The following ENKD1 variants were observed in gnomAD, a reference collection of about 807,000 sequenced individuals.
ENKD1 encodes enkurin domain-containing protein 1.
Under a neutral mutation model 35.8 loss-of-function variants are expected in ENKD1, and 39 were observed. That is an observed-to-expected ratio of 1.09 (90% confidence interval 0.84 to 1.42). The LOEUF is 1.42. ENKD1 is among the 40% of genes most tolerant of loss of function. ENKD1 has a pLI of 0.00. For missense variants in ENKD1, 474 were observed against 471.3 expected (o/e 1.01, Z -0.05); for synonymous variants, 205 against 198.6 (o/e 1.03, Z -0.27).
At position 67,666,624 on chromosome 16, in the gene ENKD1, G is replaced by A. The variant is rs2053107957; in HGVS notation, c.-182C>T. ...CCCCGGCCTCGCTCGCCACCTCCGC[G>A]ACCTCTGCTCCCAGCCCACTTCTCG... On this transcript the variant is annotated 5_prime_UTR_variant, in exon 1 of 7. Transcript: ENST00000243878. The A allele has an allele frequency of 1.8e-6, 1 of 555,278 alleles. No homozygotes were observed. Among genetic ancestry groups the A allele is most frequent in the Non-Finnish European group, 3.0e-6 (1 of 332,648 alleles). 34.4% of individuals were successfully genotyped at this position (555,278 alleles called of 1,614,324 possible). A position where few individuals can be genotyped will look rare whatever the true frequency, so the allele number is the denominator to read the frequency against.
chr16:67,665,292 C>T (rs1264737659), intron 2 of ENKD1, 124 bp from the exon 3 acceptor site: 29 of 994,650 alleles, frequency 2.9e-5, no homozygotes, highest in Non-Finnish European at 3.9e-5. Flanking sequence ...CTCCAACTAC[C>T]TTAGACCCTA....
chr16:67,666,393 G>T lies in ENKD1; in HGVS notation c.50C>A (p.Thr17Lys). 6.4e-7 allele frequency: 1 copy of T among 1,571,152 alleles called. No homozygotes were observed. Among genetic ancestry groups the T allele is most frequent in the Non-Finnish European group, 8.6e-7 (1 of 1,165,822 alleles). ...RISGPIPPDP[T>K]LCPDNYRRPT... ...CCGCCTGTAGTTGTCAGGACAGAGCGTCGGGTCTGGGGGGATGGGCCCCGA... is the reference window on the plus strand; with the variant it reads ...CCGCCTGTAGTTGTCAGGACAGAGCTTCGGGTCTGGGGGGATGGGCCCCGA... Residue 17 changes from threonine (T) to lysine (K), a missense_variant, in exon 1 of 7, where the codon ACG (threonine) becomes AAG (lysine). Transcript: ENST00000243878.
At position 67,663,765 on chromosome 16, in the gene ENKD1, G is replaced by A. The variant is rs2053063668; in HGVS notation, c.635C>T (p.Ala212Val). 6.2e-7 allele frequency: 1 copy of A among 1,610,692 alleles called. No homozygotes were observed. The highest frequency in any genetic ancestry group is 8.5e-7 in the Non-Finnish European group (1 of 1,178,438). The part of the protein sequence containing the change: ...IRHNARAAKR[A>V]PRRHSCSLQV... ...CAGTGAGCAGGAATGCCTCCGGGGG[G>A]CTCTCTTGGCAGCTCGTGCATTGTG... The change falls in exon 5 of 7, where the codon GCC (alanine) becomes GTC (valine). Residue 212 changes from alanine (A) to valine (V), a missense_variant. Ala to Val is a moderately conservative substitution (Grantham distance 64). Transcript: ENST00000243878.
chr16:67,664,092 G>C, intron 3 of ENKD1, 30 bp from the exon 4 acceptor site: 1 of 1,543,246 alleles, frequency 6.5e-7, no homozygotes, highest in South Asian at 1.2e-5. Flanking sequence ...AGAGAGAGCA[G>C]GCAGGCTGAG....
Position 67,663,486 on chromosome 16 carries a change from T to C in ENKD1, c.814A>G (p.Met272Val). 2 of 1,613,050 alleles carry C rather than the reference T, an allele frequency of 1.2e-6. No individual in the cohort carries two copies. Among genetic ancestry groups the C allele is most frequent in the Non-Finnish European group, 1.7e-6 (2 of 1,179,900 alleles). ...GGCATGCGCGTGTGGCCTGGGGGCA[T>C]GGCAGGGTCCGGCTGGCTCTGCTTG... ...ARKQSQPDPA[M>V]PPGHTRMPEN... Residue 272 changes from methionine to valine, a missense_variant, in exon 6 of 7, where the codon ATG (methionine) becomes GTG (valine). Transcript: ENST00000243878.
At position 67,663,809 on chromosome 16, in the gene ENKD1, C is replaced by G. The variant is rs751776684; in HGVS notation, c.591G>C (p.Leu197=). ...CATTGTGACGAATGAAGTCCACCCC[C>G]AGGCCTGGCTCCTGCAGGACACAGC... ...PPGPEAKEPG[L]GVDFIRHNAR... is the part of the protein sequence containing the mutation. The change falls in exon 5 of 7, where the codon CTG becomes CTC. Residue 197 remains leucine, a synonymous_variant. Coordinates refer to ENST00000243878, the MANE Select transcript of ENKD1 (RefSeq NM_032140.3). 1 of 1,605,706 alleles carries G rather than the reference C, an allele frequency of 6.2e-7. No homozygotes were observed. The highest frequency in any genetic ancestry group is 1.7e-5 in the Admixed American group (1 of 59,146).
rs202225875 is a variant in ENKD1 at position 67,663,837 on chromosome 16, G to T, written c.580-17C>A. On this transcript the variant is annotated splice_polypyrimidine_tract_variant and intron_variant, in intron 4 of 6. Coordinates refer to ENST00000243878, the MANE Select transcript of ENKD1 (RefSeq NM_032140.3). ...GCCTGGCTCCTGCAGGACACAGCAA[G>T]CGTGGGTGGGGGCAGACAGCATTAT... 1.1e-4 allele frequency: 176 copies of T among 1,602,948 alleles called. No homozygotes were observed. In the East Asian group the frequency reaches 3.3e-3, roughly 30 times the overall value.
In ENKD1 at chr16:67,666,255, G is replaced by C; in HGVS notation, c.96C>G (p.Arg32=). Reference sequence around the variant, plus strand: ...CCAGCTTCAGCGCGTTTCCCTCGAGGCGCCCTTGAGCTGTGGGGCGGAGCC... The same window carrying C: ...CCAGCTTCAGCGCGTTTCCCTCGAGCCGCCCTTGAGCTGTGGGGCGGAGCC... ...NYRRPTSAQG[R]LEGNALKLDL... is the part of the protein sequence containing the mutation. The change falls in exon 2 of 7, where the codon CGC becomes CGG. Residue 32 remains arginine, a synonymous_variant. Coordinates refer to ENST00000243878, the MANE Select transcript of ENKD1 (RefSeq NM_032140.3). The C allele has an allele frequency of 6.2e-7, 1 of 1,602,708 alleles. No individual in the cohort carries two copies. Among genetic ancestry groups the C allele is most frequent in the Non-Finnish European group, 8.5e-7 (1 of 1,174,388 alleles).
In ENKD1 at chr16:67,663,737, C is replaced by T. The variant is rs12599958; in HGVS notation, c.663G>A (p.Gln221=). ...RAPRRHSCSL[Q]VLAQVLEQQR... ...GCTGCTCTAGCACTTGTGCCAGGACCTGCAGTGAGCAGGAATGCCTCCGGG... is the reference window on the plus strand; with the variant it reads ...GCTGCTCTAGCACTTGTGCCAGGACTTGCAGTGAGCAGGAATGCCTCCGGG... Residue 221 remains glutamine, a synonymous_variant, in exon 5 of 7, where the codon CAG becomes CAA. Transcript: ENST00000243878. 3.7e-6 allele frequency: 6 copies of T among 1,612,552 alleles called. No homozygotes were observed. The highest frequency in any genetic ancestry group is 1.3e-5 in the African/African-American group (1 of 74,920).
chr16:67,666,538 G>C lies in ENKD1; in HGVS notation c.-96C>G. 8.5e-7 allele frequency: 1 copy of C among 1,180,276 alleles called. No homozygotes were observed. Among genetic ancestry groups the C allele is most frequent in the Non-Finnish European group, 1.1e-6 (1 of 895,118 alleles). The allele number at this position is 1,180,276 out of a possible 1,614,324, so 73.1% of individuals were successfully genotyped here. ...TCCCCAACCCCGGGCCCCCTCCCTC[G>C]CCCGGCACCCTGACCCTGGCGTGCC... is the stretch of plus-strand genomic sequence containing the variant. On this transcript the variant is annotated 5_prime_UTR_variant, in exon 1 of 7. Transcript: ENST00000243878.
rs1387315593 is a variant in ENKD1, at chr16:67,665,165, T to G, written c.284A>C (p.Lys95Thr). ...CTCCTTCTCATGGTCCTTAGGGTCC[T>G]TCCCTGGAGAAAAGATGCCCCCAGG... ...SLGPGASLKR[K>T]DPKDHEKENL... Residue 95 changes from lysine to threonine, a missense_variant, in exon 3 of 7, where the codon AAG becomes ACG. Physicochemically the swap from Lys to Thr is moderately conservative, Grantham distance 78 (BLOSUM62 -1). Transcript: ENST00000243878. The G allele has an allele frequency of 3.7e-6, 6 of 1,609,472 alleles. No individual in the cohort carries two copies. The highest frequency in any genetic ancestry group is 4.2e-6 in the Non-Finnish European group (5 of 1,178,044).
At chr16:67,664,173 C>G (rs1288186496) in intron 3 of ENKD1, 111 bp from the exon 4 acceptor site, 1 of 913,106 alleles carries the variant, frequency 1.1e-6, no homozygotes, top group Admixed American at 2.0e-5. Context: ...TCCCTCGGGC[C>G]CTCTTCCCTC....
At position 67,666,273 on chromosome 16, in the gene ENKD1, G is replaced by T; in HGVS notation, c.86-8C>A. 6.3e-7 allele frequency: 1 copy of T among 1,599,436 alleles called. No homozygotes were observed. Among genetic ancestry groups the T allele is most frequent in the Non-Finnish European group, 8.5e-7 (1 of 1,174,350 alleles). ...CCTCGAGGCGCCCTTGAGCTGTGGGGCGGAGCCGGGCGGAGTCCGGGGCTC... is the reference window on the plus strand; with the variant it reads ...CCTCGAGGCGCCCTTGAGCTGTGGGTCGGAGCCGGGCGGAGTCCGGGGCTC... On this transcript the variant is annotated splice_region_variant and splice_polypyrimidine_tract_variant and intron_variant, in intron 1 of 6. Transcript: ENST00000243878.
At position 67,666,500 on chromosome 16, in the gene ENKD1, C is replaced by T. The variant is rs1416601649; in HGVS notation, c.-58G>A. 7.3e-7 allele frequency: 1 copy of T among 1,363,842 alleles called. No homozygotes were observed. The highest frequency in any genetic ancestry group is 1.5e-5 in the African/African-American group (1 of 64,968). The allele number at this position is 1,363,842 out of a possible 1,614,324, so 84.5% of individuals were successfully genotyped here. A position where few individuals can be genotyped will look rare whatever the true frequency, so the allele number is the denominator to read the frequency against. ...GGCCTGCAGGGCTGTTTACCTCCCT[C>T]CCCGGGCCCCCTTCCCCAACCCCGG... On this transcript the variant is annotated 5_prime_UTR_variant, in exon 1 of 7. Coordinates refer to ENST00000243878, the MANE Select transcript of ENKD1 (RefSeq NM_032140.3).
rs888887584 is a variant in ENKD1, at chr16:67,665,160, G to A, written c.289C>T (p.Pro97Ser). The A allele has an allele frequency of 1.2e-6, 2 of 1,610,852 alleles. No individual in the cohort carries two copies. Among genetic ancestry groups the A allele is most frequent in the East Asian group, 2.2e-5 (1 of 44,840 alleles). Residue 97 changes from proline (P) to serine (S), a missense_variant, in exon 3 of 7, where the codon CCT becomes TCT. Pro to Ser is a moderately conservative substitution (Grantham distance 74). Coordinates refer to ENST00000243878, the MANE Select transcript of ENKD1 (RefSeq NM_032140.3). The stretch of plus-strand genomic sequence containing the variant: ...AGGTTCTCCTTCTCATGGTCCTTAG[G>A]GTCCTTCCCTGGAGAAAAGATGCCC... ...GPGASLKRKDPKDHEKENLRR... is the reference protein window; with the variant it reads ...GPGASLKRKDSKDHEKENLRR...
chr16:67,663,663 G>A lies in ENKD1; in HGVS notation c.737C>T (p.Pro246Leu). ...GTCGGGCAGTGAGACCTACTAATGT[G>A]GCACATGGCCCTTCTGCGTGGCATT... ...HYNATQKGHV[P>L]HYLLERRDLW... The change falls in exon 5 of 7, where the codon CCA becomes CTA. Residue 246 changes from proline to leucine, a missense_variant. Pro to Leu is a moderately conservative substitution (Grantham distance 98, BLOSUM62 -3). Transcript: ENST00000243878. 1 of 1,611,054 alleles carries A rather than the reference G, an allele frequency of 6.2e-7. No homozygotes were observed.
Position 67,665,129 on chromosome 16 carries a change from C to A in ENKD1, c.320G>T (p.Arg107Leu). 2 of 1,613,860 alleles carry A rather than the reference C, an allele frequency of 1.2e-6. No individual in the cohort carries two copies. Among genetic ancestry groups the A allele is most frequent in the East Asian group, 2.2e-5 (1 of 44,874 alleles). The change falls in exon 3 of 7, where the codon CGG becomes CTG. Residue 107 changes from arginine (R) to leucine (L), a missense_variant. Transcript: ENST00000243878. The stretch of plus-strand genomic sequence containing the variant: ...GAAGCGCTTCTGAATCTCCCTGATC[C>A]GCCTCAGGTTCTCCTTCTCATGGTC... ...PKDHEKENLR[R>L]IREIQKRFRE...
At position 67,666,132 on chromosome 16, in the gene ENKD1, G is replaced by A; in HGVS notation, c.219C>T (p.Gly73=). 1 of 1,612,792 alleles carries A rather than the reference G, an allele frequency of 6.2e-7. No homozygotes were observed. Among genetic ancestry groups the A allele is most frequent in the Non-Finnish European group, 8.5e-7 (1 of 1,179,974 alleles). ...AGEILERGQR[G]VGDVLLQLEG... ...CGAGTTGCAACAGCACGTCCCCGAC[G>A]CCGCGCTGGCCGCGCTCCAGGATCT... The change falls in exon 2 of 7, where the codon GGC becomes GGT. Residue 73 remains glycine, a synonymous_variant. Transcript: ENST00000243878.
rs763130054 is a variant in ENKD1 at position 67,663,326 on chromosome 16, A to G, written c.881-5T>C. The G allele has an allele frequency of 1.3e-5, 21 of 1,613,274 alleles. No individual in the cohort carries two copies. Among genetic ancestry groups the G allele is most frequent in the Admixed American group, 1.7e-5 (1 of 60,018 alleles). Reference sequence around the variant, plus strand: ...CACGCAGCAGCTGGCTCTGGCCTACAGGGGGCCCGGGAACAGTGAGAACAG... The same window carrying G: ...CACGCAGCAGCTGGCTCTGGCCTACGGGGGGCCCGGGAACAGTGAGAACAG... On this transcript the variant is annotated splice_region_variant and splice_polypyrimidine_tract_variant and intron_variant, in intron 6 of 6. Coordinates refer to ENST00000243878, the MANE Select transcript of ENKD1 (RefSeq NM_032140.3).
Sources: gnomAD v4.1 joint callset for allele counts on GRCh38, gnomAD v4.1.1 for gene constraint, MANE v1.5 for transcripts, NCBI Gene and HGNC (gene_info 2026-07-23, HGNC 2026-07-21) for gene names.